Variants in MAP3K7CL observed in about 807,000 individuals in gnomAD.
MAP3K7CL encodes the protein MAP3K7 C-terminal-like protein.
MAP3K7CL carries 16 observed loss-of-function variants against 18.6 expected under a neutral mutation model. The observed-to-expected ratio is 0.86, with a 90% CI of 0.58 to 1.31. The LOEUF is 1.31. Ranked by LOEUF, MAP3K7CL falls within the 50% of genes most tolerant of loss-of-function variation. MAP3K7CL has a pLI of 0.00. For missense variants in MAP3K7CL, 163 were observed against 174.4 expected, an observed-to-expected ratio of 0.93 and a Z score of 0.37; for synonymous variants, 65 against 66.8, an observed-to-expected ratio of 0.97 and a Z score of 0.13.
chr21:29,110,258 T>C (rs1008421610), intron 4 of MAP3K7CL, among the ~76,000 whole-genome samples: 2 of 152,218 alleles, frequency 1.3e-5, no homozygotes, highest in African/African-American at 4.8e-5. Flanking sequence ...CCTCCATCAC[T>C]CACATCAATT....
At chr21:29,130,479 T>G, upstream of MAP3K7CL, 3 of 476,618 alleles carry the variant, frequency 6.3e-6, no homozygotes, top group Non-Finnish European at 8.2e-6. Flanking sequence ...CAGACACCGA[T>G]TGGGTCACGC....
chr21:29,122,611 C>T (rs1014956304), intron 4 of MAP3K7CL, among the ~76,000 whole-genome samples: 3 of 152,188 alleles, frequency 2.0e-5, no homozygotes, highest in East Asian at 3.8e-4. Flanking sequence ...GCCGTCAAGC[C>T]GTCCCTCTTA....
intron 4 of MAP3K7CL, among the ~76,000 whole-genome samples, chr21:29,124,398 ATTAACT>A (rs2086649851): frequency 6.6e-6 from 1 of 151,470 alleles, no homozygotes; most frequent in South Asian, 2.1e-4. Flanking sequence ...GTCACATTTA[ATTAACT>A]TTAAATGGTA....
At position 29,175,005 on chromosome 21, in the gene MAP3K7CL, C is replaced by A; in HGVS notation, c.*113C>A. The stretch of plus-strand genomic sequence containing the variant: ...ATCTATTGCTTCTCTGTATTACCCA[C>A]ATGACAACTGTCTATAATGAGTTTA... On this transcript the variant is annotated 3_prime_UTR_variant, in exon 5 of 5. Coordinates refer to ENST00000399928, the MANE Select transcript of MAP3K7CL (RefSeq NM_001286620.2). The A allele has an allele frequency of 9.7e-7, 1 of 1,033,480 alleles. No homozygotes were observed. The highest frequency in any genetic ancestry group is 1.4e-6 in the Non-Finnish European group (1 of 726,780). The allele number at this position is 1,033,480 out of a possible 1,614,324, so 64.0% of individuals were successfully genotyped here. A position where few individuals can be genotyped will look rare whatever the true frequency, so the allele number is the denominator to read the frequency against.
chr21:29,109,381 A>G, intron 4 of MAP3K7CL: 1 of 1,342,566 alleles, frequency 7.4e-7, no homozygotes, highest in Non-Finnish European at 9.5e-7. Flanking sequence ...ACTCCTTGAA[A>G]TCAGAGAGAG....
chr21:29,142,226 G>A (rs994944435), intron 2 of MAP3K7CL, among the ~76,000 whole-genome samples: 1 of 151,920 alleles, frequency 6.6e-6, no homozygotes, highest in Non-Finnish European at 1.5e-5. Context: ...CACCATGCCC[G>A]GCTAATTGTT....
rs1302475685 is a variant in MAP3K7CL, at chr21:29,175,135, G to C, written c.*243G>C. 2 of 355,790 alleles carry C rather than the reference G, an allele frequency of 5.6e-6. No homozygotes were observed. Among genetic ancestry groups the C allele is most frequent in the African/African-American group, 4.2e-5 (2 of 47,526 alleles). The allele number at this position is 355,790 out of a possible 1,614,324, so 22.0% of individuals were successfully genotyped here. ...TTGGAGATCAGAATTCTTTTCCAAA[G>C]ATATATGTTTTTTTCTTTTTTAGGA... is the stretch of plus-strand genomic sequence containing the variant. On this transcript the variant is annotated 3_prime_UTR_variant, in exon 5 of 5. Transcript: ENST00000399928.
chr21:29,118,403 A>G (rs1201711804), intron 4 of MAP3K7CL, among the ~76,000 whole-genome samples: 3 of 151,032 alleles, frequency 2.0e-5, no homozygotes, highest in African/African-American at 7.3e-5. Flanking sequence ...CTTCCCTATT[A>G]GGCACTTGCA....
At chr21:29,161,709 C>T (rs2087553397) in intron 4 of MAP3K7CL, among the ~76,000 whole-genome samples, 1 of 151,644 alleles carries the variant, frequency 6.6e-6, no homozygotes, top group African/African-American at 2.4e-5. Flanking sequence ...TACACACACA[C>T]ACAAAATTTA....
At chr21:29,092,754 G>A (rs2086051959) in intron 4 of MAP3K7CL, among the ~76,000 whole-genome samples, 2 of 152,200 alleles carry the variant, frequency 1.3e-5, no homozygotes, top group South Asian at 4.1e-4. Flanking sequence ...CAGTCAATGT[G>A]CTAGGATTGT....
chr21:29,164,101 A>G (rs2087624878), intron 4 of MAP3K7CL, among the ~76,000 whole-genome samples: 1 of 148,330 alleles, frequency 6.7e-6, no homozygotes, highest in Non-Finnish European at 1.5e-5. Context: ...CTCCATTTAA[A>G]AAAAAAAAAC....
chr21:29,174,176 AAT>A (rs1199542787), intron 4 of MAP3K7CL, among the ~76,000 whole-genome samples: 4 of 152,204 alleles, frequency 2.6e-5, no homozygotes, highest in Admixed American at 2.0e-4. Context: ...TTTGGGCTGC[AAT>A]ATATATGTAA....
intron 2 of MAP3K7CL, among the ~76,000 whole-genome samples, chr21:29,136,166 T>A (rs963564652): frequency 6.6e-6 from 1 of 152,212 alleles, no homozygotes; most frequent in African/African-American, 2.4e-5. Context: ...GGCCCAGGAC[T>A]CTCTATTTTT....
chr21:29,123,070 T>C (rs2086624370), intron 4 of MAP3K7CL, among the ~76,000 whole-genome samples: 1 of 146,560 alleles, frequency 6.8e-6, no homozygotes, highest in African/African-American at 2.5e-5. Context: ...TTTTTTTTTT[T>C]TTTTTTTTTG....
chr21:29,099,933 A>G (rs1476017889), intron 4 of MAP3K7CL, among the ~76,000 whole-genome samples: 1 of 151,994 alleles, frequency 6.6e-6, no homozygotes, highest in African/African-American at 2.4e-5. Context: ...AATACAAAAA[A>G]TTAGCCGGGC....
rs191243964 is a variant in MAP3K7CL, at chr21:29,091,695, T to C, written c.161T>C (p.Val54Ala). The C allele has an allele frequency of 1.4e-4, 98 of 702,376 alleles. 1 individual carries two copies. Among genetic ancestry groups the C allele is most frequent in the East Asian group, 1.1e-3 (42 of 37,278 alleles). 43.5% of individuals were successfully genotyped at this position (702,376 alleles called of 1,614,324 possible). ...ATGGAGTCTCGCTATTTTGCCCAGGTTGGTCTTGAACACCTGGCTTCAAGC... is the reference window on the plus strand; with the variant it reads ...ATGGAGTCTCGCTATTTTGCCCAGGCTGGTCTTGAACACCTGGCTTCAAGC... The change falls in exon 3 of 7, where the codon GTT (valine) becomes GCT (alanine). Residue 54 changes from valine to alanine, a missense_variant. Physicochemically the swap from Val to Ala is moderately conservative, Grantham distance 64 (BLOSUM62 0). Coordinates refer to the MAP3K7CL transcript ENST00000286791.
chr21:29,107,306 C>T (rs1334672294), intron 4 of MAP3K7CL, among the ~76,000 whole-genome samples: 1 of 151,910 alleles, frequency 6.6e-6, no homozygotes, highest in Non-Finnish European at 1.5e-5. Flanking sequence ...CAGAGCGAGA[C>T]TCCATCTAAA....
At chr21:29,138,060 A>G (rs1253431077) in intron 2 of MAP3K7CL, among the ~76,000 whole-genome samples, 3 of 152,188 alleles carry the variant, frequency 2.0e-5, no homozygotes. Context: ...TGGCCCTGGT[A>G]GATGAGGAGT....
chr21:29,158,366 A>G (rs1396750788), intron 3 of MAP3K7CL, among the ~76,000 whole-genome samples: 1 of 152,216 alleles, frequency 6.6e-6, no homozygotes, highest in Non-Finnish European at 1.5e-5. Context: ...TGATGGTTCC[A>G]ACAGTCTGAG....
Sources: allele counts gnomAD v4.1 joint callset (sites outside exome capture counted in the v4.1 genomes callset), GRCh38; gene constraint gnomAD v4.1.1; transcripts MANE v1.5; gene names NCBI Gene and HGNC (gene_info 2026-07-23, HGNC 2026-07-21).